The following ALK variants were observed in gnomAD, a reference collection of about 807,000 sequenced individuals.
The protein encoded by ALK is ALK tyrosine kinase receptor.
A neutral mutation model predicts 163.1 loss-of-function variants in ALK; 74 were observed. That is an observed-to-expected ratio of 0.45 (90% CI 0.38 to 0.55). ALK has a LOEUF of 0.55. Ranked by LOEUF, ALK falls within the 20% of genes least tolerant of loss-of-function variation. The probability of loss-of-function intolerance (pLI) is 0.00; values close to 1 mark genes in which losing one functional copy is unlikely to be tolerated. For synonymous variants in ALK, 960 were observed against 843.2 expected (o/e 1.14, Z -2.40); for missense variants, 2,063 against 2,105.3 (o/e 0.98, Z 0.39).
intron 1 of ALK, among the ~76,000 whole-genome samples, chr2:29,735,269 G>C (rs1412796535): frequency 6.6e-5 from 10 of 152,016 alleles, no homozygotes. Flanking sequence ...CATAAGGACA[G>C]ATAACTAATT....
intron 1 of ALK, among the ~76,000 whole-genome samples, chr2:29,911,901 GA>G (rs1667713125): frequency 6.6e-6 from 1 of 152,184 alleles, no homozygotes; most frequent in African/African-American, 2.4e-5. Context: ...AAACACTCTG[GA>G]AAATGAATGG....
chr2:29,206,079 G>A (rs1669301763), intron 26 of ALK, among the ~76,000 whole-genome samples: 1 of 152,148 alleles, frequency 6.6e-6, no homozygotes, highest in African/African-American at 2.4e-5. Context: ...GTAGATAAGG[G>A]ACAGCCAGCA....
At position 29,593,012 on chromosome 2, in the gene ALK, T is replaced by C. The variant is rs116557599; in HGVS notation, c.953-60896A>G. Reference sequence around the variant, plus strand: ...CCACCCAGTTTGCGGTCATTTGTTGTGGCAGCCCTAAGAAACTAGCACATG... The same window carrying C: ...CCACCCAGTTTGCGGTCATTTGTTGCGGCAGCCCTAAGAAACTAGCACATG... On this transcript the variant is annotated intron_variant, in intron 3 of 28. Transcript: ENST00000389048. Among the ~76,000 whole-genome samples, 695 of 152,334 alleles carry C rather than the reference T, an allele frequency of 4.6e-3. 7 individuals are homozygous for C. The highest frequency in any genetic ancestry group is 0.015 in the African/African-American group (637 of 41,578).
chr2:29,828,481 C>A (rs1203148033), intron 1 of ALK, among the ~76,000 whole-genome samples: 33 of 151,974 alleles, frequency 2.2e-4, no homozygotes, highest in Admixed American at 1.4e-3. Context: ...AAAAAAACAA[C>A]CCCATCAAAA....
chr2:29,750,709 C>CAGGA lies in ALK; in HGVS notation c.668-33016_668-33013dup, dbSNP rs796762137. 2.9e-4 allele frequency among the ~76,000 whole-genome samples: 32 copies of CAGGA among 109,960 alleles called. 1 individual carries two copies. The highest frequency in any genetic ancestry group is 6.4e-4 in the South Asian group (2 of 3,116). 72.1% of individuals were successfully genotyped at this position (109,960 alleles called of 152,430 possible). A position where few individuals can be genotyped will look rare whatever the true frequency, so the allele number is the denominator to read the frequency against. ...GAAGGAAGGAAGGAAGGCAGGCAGG[C>CAGGA]AGGAAGGAAGGAAGGAAGGAAGAAA... On this transcript the variant is annotated intron_variant, in intron 1 of 28. Coordinates refer to ENST00000389048, the MANE Select transcript of ALK (RefSeq NM_004304.5).
chr2:29,520,716 G>T (rs1335819452), intron 4 of ALK, among the ~76,000 whole-genome samples: 1 of 152,140 alleles, frequency 6.6e-6, no homozygotes, highest in Non-Finnish European at 1.5e-5. Flanking sequence ...TGCTTCACTT[G>T]GGGGCAACTG....
At chr2:29,300,035 G>A (rs2148233665) in intron 8 of ALK, among the ~76,000 whole-genome samples, 1 of 152,338 alleles carries the variant, frequency 6.6e-6, no homozygotes, top group South Asian at 2.1e-4. Context: ...AACAAGGCAA[G>A]GTGGCAGCAT....
Position 29,642,352 on chromosome 2 carries a change from C to T in ALK, c.952+52498G>A, listed in dbSNP as rs147801865. Among the ~76,000 whole-genome samples the T allele has an allele frequency of 1.8e-4, 28 of 152,274 alleles. No individual in the cohort carries two copies. The East Asian group carries it at 4.2e-3, about 23-fold the overall frequency. On this transcript the variant is annotated intron_variant, in intron 3 of 28. Coordinates refer to ENST00000389048, the MANE Select transcript of ALK (RefSeq NM_004304.5). ...CAGTGGCTGAGCTTTGAATGCAATT[C>T]GGTTGTCCTTTATCAGCAAGGACAG... is the stretch of plus-strand genomic sequence containing the variant.
chr2:29,531,098 A>G (rs912066318), intron 4 of ALK, among the ~76,000 whole-genome samples: 6 of 152,216 alleles, frequency 3.9e-5, no homozygotes, highest in Non-Finnish European at 5.9e-5. Flanking sequence ...GACCCTTCTG[A>G]AAAGGTATTC....
intron 1 of ALK, among the ~76,000 whole-genome samples, chr2:29,904,340 C>A (rs904122934): frequency 2.0e-5 from 3 of 152,114 alleles, no homozygotes; most frequent in African/African-American, 7.2e-5. Context: ...ACTCTTAGAG[C>A]AAAACAGCTG....
intron 11 of ALK, among the ~76,000 whole-genome samples, chr2:29,260,793 C>T (rs1156813949): frequency 6.6e-6 from 1 of 151,974 alleles, no homozygotes; most frequent in East Asian, 1.9e-4. Context: ...CAGATCATGC[C>T]ACTGCACTCC....
chr2:29,842,972 G>C (rs914039079), intron 1 of ALK, among the ~76,000 whole-genome samples: 6 of 152,228 alleles, frequency 3.9e-5, no homozygotes, highest in African/African-American at 1.4e-4. Context: ...CAGAGGAAAT[G>C]AGAACAGGGA....
At chr2:29,366,463 A>G (rs1252303622) in intron 5 of ALK, among the ~76,000 whole-genome samples, 1 of 151,424 alleles carries the variant, frequency 6.6e-6, no homozygotes, top group Non-Finnish European at 1.5e-5. Flanking sequence ...AGCATAGGAG[A>G]GCTTTGAGGG....
intron 3 of ALK, among the ~76,000 whole-genome samples, chr2:29,579,462 C>T (rs1674616766): frequency 6.6e-6 from 1 of 152,190 alleles, no homozygotes; most frequent in South Asian, 2.1e-4. Flanking sequence ...TTCTTATCCA[C>T]ATGGGAATGA....
intron 3 of ALK, among the ~76,000 whole-genome samples, chr2:29,569,666 A>G (rs1674299377): frequency 6.6e-6 from 1 of 152,156 alleles, no homozygotes; most frequent in Non-Finnish European, 1.5e-5. Flanking sequence ...TCAAACAATC[A>G]AAGGGCACCA....
intron 1 of ALK, among the ~76,000 whole-genome samples, chr2:29,815,018 G>A (rs10182334): frequency 0.016 from 2,431 of 147,558 alleles, 70 homozygotes; most frequent in African/African-American, 0.058. Context: ...GGACGGACTC[G>A]GCCTCAGTGT....
intron 3 of ALK, among the ~76,000 whole-genome samples, chr2:29,591,888 T>C (rs1398568518): frequency 6.6e-6 from 1 of 151,892 alleles, no homozygotes; most frequent in East Asian, 1.9e-4. Context: ...AGCACCTGAG[T>C]TCATTCTGGG....
intron 3 of ALK, among the ~76,000 whole-genome samples, chr2:29,679,524 C>T (rs2631990): frequency 0.62 from 93,851 of 151,402 alleles, 34,196 homozygotes; most frequent in Non-Finnish European, 0.8. Flanking sequence ...AAAATTACAA[C>T]ATGCATCTTA....
chr2:29,581,801 A>G (rs948946978), intron 3 of ALK, among the ~76,000 whole-genome samples: 1 of 152,192 alleles, frequency 6.6e-6, no homozygotes, highest in African/African-American at 2.4e-5. Context: ...CAAATTGGAA[A>G]GACTGGGCAT....
Sources: allele counts gnomAD v4.1 joint callset (sites outside exome capture counted in the v4.1 genomes callset), GRCh38; gene constraint gnomAD v4.1.1; transcripts MANE v1.5; gene names NCBI Gene and HGNC (gene_info 2026-07-23, HGNC 2026-07-21).